CCDC33: variants seen among roughly 807,000 people sequenced by gnomAD.
CCDC33 encodes the protein coiled-coil domain-containing protein 33.
Under a neutral mutation model 91.9 loss-of-function variants are expected in CCDC33, and 94 were observed. The ratio of observed to expected loss-of-function variants is 1.02; its 90% CI spans 0.87 to 1.21. The LOEUF (loss-of-function observed/expected upper bound fraction) is 1.21. Among genes scored for constraint, CCDC33 ranks in the 50% most tolerant of loss-of-function variants. The pLI, the probability that CCDC33 is intolerant of heterozygous loss-of-function variation, is 0.00. For synonymous variants in CCDC33, 396 were observed against 374.5 expected (o/e 1.06, Z -0.66); for missense variants, 940 against 935.5 (o/e 1.00, Z -0.06).
At position 74,244,041 on chromosome 15, in the gene CCDC33, C is replaced by T. The variant is rs377200305; in HGVS notation, c.78C>T (p.Ile26=). ...CCTCCCAGAGCACGGAACCTGAGAT[C>T]GGTCACCTGTCTCCCTCTAAGAAGG... ...LIASQSTEPE[I]GHLSPSKKET... Residue 26 remains isoleucine, a synonymous_variant, in exon 2 of 19, where the codon ATC becomes ATT. Transcript: ENST00000398814. This position sits in a 1 kb window ranked among gnomAD's most constrained non-coding sequence, Gnocchi z 4.2. 29 of 1,599,816 alleles carry T rather than the reference C, an allele frequency of 1.8e-5. No homozygotes were observed. In the African/African-American group the frequency reaches 1.9e-4, roughly 11 times the overall value.
chr15:74,210,380 A>G (rs1342083539), intron 2 of CCDC33, among the ~76,000 whole-genome samples: 1 of 152,254 alleles, frequency 6.6e-6, no homozygotes, highest in Non-Finnish European at 1.5e-5. Flanking sequence ...CTGACGTGGC[A>G]GAACCTCCAA....
rs1484464647 is a variant in CCDC33, at chr15:74,266,805, G to T, written c.429+18G>T. The T allele has an allele frequency of 6.3e-7, 1 of 1,580,296 alleles. No homozygotes were observed. Among genetic ancestry groups the T allele is most frequent in the Non-Finnish European group, 8.7e-7 (1 of 1,149,468 alleles). Reference sequence around the variant, plus strand: ...TGGTGAAGGTGAGTCAGAGGCCTGGGGAAGTGCCGGGAGAGCAGGTGGGAA... The same window carrying T: ...TGGTGAAGGTGAGTCAGAGGCCTGGTGAAGTGCCGGGAGAGCAGGTGGGAA... On this transcript the variant is annotated intron_variant, in intron 4 of 18. Coordinates refer to ENST00000398814, the MANE Select transcript of CCDC33 (RefSeq NM_025055.5).
upstream of CCDC33, among the ~76,000 whole-genome samples, chr15:74,235,490 C>T (rs1451259930): frequency 2.0e-5 from 3 of 152,116 alleles, no homozygotes; most frequent in South Asian, 6.2e-4. Flanking sequence ...GCCACAGGGG[C>T]CCCCCAAACA....
At chr15:74,312,232 C>T (rs762671886) in intron 11 of CCDC33, among the ~76,000 whole-genome samples, 1 of 152,224 alleles carries the variant, frequency 6.6e-6, no homozygotes, top group Non-Finnish European at 1.5e-5. Context: ...TGAGCCTCTG[C>T]TCGTTCCTCG....
intron 15 of CCDC33, 115 bp downstream of exon 15, chr15:74,331,411 A>G (rs1175613695): frequency 1.1e-5 from 11 of 1,043,744 alleles, no homozygotes; most frequent in African/African-American, 1.6e-5. Context: ...CCCTGCACTC[A>G]GTTATGTCTG....
At chr15:74,296,073 A>G (rs1270796241) in intron 11 of CCDC33, 125 bp downstream of exon 11, 1 of 779,382 alleles carries the variant, frequency 1.3e-6, no homozygotes, top group Non-Finnish European at 2.0e-6. Flanking sequence ...CCCCTTAGGC[A>G]CACTCTGCAT....
rs992768281 is a variant in CCDC33 at position 74,268,545 on chromosome 15, C to T, written c.546+87C>T. 5 of 996,714 alleles carry T rather than the reference C, an allele frequency of 5.0e-6. 1 individual carries two copies. Among genetic ancestry groups the T allele is most frequent in the African/African-American group, 4.7e-5 (3 of 63,248 alleles). The allele number at this position is 996,714 out of a possible 1,614,324, so 61.7% of individuals were successfully genotyped here. ...GGCCCCACGCCTTGCCCTTAGCCCCCTCTGGCTGACCTGAGGGTGTGGAGC... is the reference window on the plus strand; with the variant it reads ...GGCCCCACGCCTTGCCCTTAGCCCCTTCTGGCTGACCTGAGGGTGTGGAGC... On this transcript the variant is annotated intron_variant, in intron 5 of 18. Coordinates refer to ENST00000398814, the MANE Select transcript of CCDC33 (RefSeq NM_025055.5).
intron 11 of CCDC33, among the ~76,000 whole-genome samples, chr15:74,325,738 A>G (rs907618715): frequency 6.6e-5 from 10 of 152,166 alleles, no homozygotes; most frequent in Admixed American, 2.0e-4. Context: ...CACAGGTGTC[A>G]TTGGATGCAG....
At chr15:74,318,691 AG>A (rs755772905) in intron 11 of CCDC33, 1 of 749,330 alleles carries the variant, frequency 1.3e-6, no homozygotes, top group African/African-American at 1.7e-5. Context: ...GGTTCTGGGA[AG>A]ATGGGTTGGC....
intron 11 of CCDC33, among the ~76,000 whole-genome samples, chr15:74,312,622 C>T (rs2142753436): frequency 6.6e-6 from 1 of 152,302 alleles, no homozygotes; most frequent in South Asian, 2.1e-4. Context: ...CTTGTTGGCG[C>T]CATCTGTTCT....
At chr15:74,323,155 T>C (rs1419618825) in intron 11 of CCDC33, among the ~76,000 whole-genome samples, 1 of 151,848 alleles carries the variant, frequency 6.6e-6, no homozygotes, top group Non-Finnish European at 1.5e-5. Context: ...AACCTCACTG[T>C]CCCCTCAGAC....
chr15:74,214,961 G>A (rs545826421), upstream of CCDC33, among the ~76,000 whole-genome samples: 6 of 152,110 alleles, frequency 3.9e-5, no homozygotes, highest in Non-Finnish European at 7.3e-5. Flanking sequence ...CCTATCCCTC[G>A]CCCAGCGTGG....
rs781042993 is a variant in CCDC33, at chr15:74,279,972, C to G, written c.769C>G (p.Pro257Ala). The G allele has an allele frequency of 1.2e-5, 20 of 1,614,020 alleles. No homozygotes were observed. The South Asian group carries it at 2.1e-4, about 17-fold the overall frequency. Residue 257 changes from proline (P) to alanine (A), a missense_variant, in exon 8 of 19, where the codon CCT (proline) becomes GCT (alanine). By Grantham distance (27) the Pro-to-Ala change is conservative. Transcript: ENST00000398814. Reference sequence around the variant, plus strand: ...TACCCTCTCCCTCCAGCTGTCCAAGCCTGGGGGACCCCCAGAGCAGCCCCT... The same window carrying G: ...TACCCTCTCCCTCCAGCTGTCCAAGGCTGGGGGACCCCCAGAGCAGCCCCT... ...SQNGCPQLSK[P>A]GGPPEQPLWN... is the part of the protein sequence containing the mutation.
chr15:74,203,917 G>A (rs922819560), intron 1 of CCDC33, among the ~76,000 whole-genome samples: 1 of 152,180 alleles, frequency 6.6e-6, no homozygotes, highest in Admixed American at 6.5e-5. Context: ...GGATGGGGGT[G>A]GGGGAAAGTG....
chr15:74,273,585 C>T (rs935931072), intron 7 of CCDC33, among the ~76,000 whole-genome samples: 2 of 151,768 alleles, frequency 1.3e-5, no homozygotes, highest in Non-Finnish European at 2.9e-5. Flanking sequence ...TCTCCTGCCT[C>T]AGCCTCTCGA....
At chr15:74,293,754 C>G (rs2059627852) in intron 10 of CCDC33, among the ~76,000 whole-genome samples, 1 of 152,186 alleles carries the variant, frequency 6.6e-6, no homozygotes, top group South Asian at 2.1e-4. Flanking sequence ...GCCTCGGGGT[C>G]CCCCAGTGTC....
chr15:74,221,196 T>A, intron 2 of CCDC33: 1 of 983,406 alleles, frequency 1.0e-6, no homozygotes, highest in Non-Finnish European at 1.2e-6. Context: ...GTTCTCCAGT[T>A]TGTGTAGTGT....
chr15:74,330,902 G>A (rs1000437941), intron 13 of CCDC33, 79 bp from the exon 14 acceptor site: 1 of 1,528,834 alleles, frequency 6.5e-7, no homozygotes, highest in Admixed American at 1.9e-5. Context: ...TTCAGCAGAG[G>A]GGCCGAGGTG....
Position 74,330,323 on chromosome 15 carries a change from G to T in CCDC33, c.1425G>T (p.Gly475=), listed in dbSNP as rs2060403073. ...SRLAQQEEEE[G]QGKASEAQNT... Reference sequence around the variant, plus strand: ...TGGCCCAGCAGGAGGAGGAAGAGGGGCAGGGCAAAGCCAGTGAGGCCCAGA... The same window carrying T: ...TGGCCCAGCAGGAGGAGGAAGAGGGTCAGGGCAAAGCCAGTGAGGCCCAGA... The change falls in exon 12 of 19, where the codon GGG becomes GGT. Residue 475 remains glycine, a synonymous_variant. Transcript: ENST00000398814. 2 of 1,608,120 alleles carry T rather than the reference G, an allele frequency of 1.2e-6. No individual in the cohort carries two copies. The highest frequency in any genetic ancestry group is 1.1e-5 in the South Asian group (1 of 90,408).
Sources: allele counts gnomAD v4.1 joint callset (sites outside exome capture counted in the v4.1 genomes callset), GRCh38; gene constraint gnomAD v4.1.1; non-coding constraint Gnocchi (gnomAD v3.1); transcripts MANE v1.5; gene names NCBI Gene and HGNC (gene_info 2026-07-23, HGNC 2026-07-21).